CNTNAP2: variants seen among roughly 807,000 people sequenced by gnomAD.
CNTNAP2 encodes the protein contactin-associated protein-like 2.
Under a neutral mutation model 155.2 loss-of-function variants are expected in CNTNAP2, and 98 were observed. The observed-to-expected ratio is 0.63, with a 90% CI of 0.54 to 0.75. CNTNAP2 has a LOEUF of 0.75. CNTNAP2 is among the 30% of genes least tolerant of loss of function. The probability of loss-of-function intolerance (pLI) is 0.00; values close to 1 mark genes in which losing one functional copy is unlikely to be tolerated. For missense variants in CNTNAP2, 1,727 were observed against 1,688.1 expected (o/e 1.02, Z -0.40); for synonymous variants, 651 against 631.2 (o/e 1.03, Z -0.47).
At chr7:147,068,563 T>G (rs1563064681) in intron 4 of CNTNAP2, among the ~76,000 whole-genome samples, 11 of 152,192 alleles carry the variant, frequency 7.2e-5, no homozygotes. Context: ...TTCACCATGT[T>G]GACCAGGCTG....
chr7:146,620,760 A>G (rs557367820), intron 1 of CNTNAP2, among the ~76,000 whole-genome samples: 2 of 152,270 alleles, frequency 1.3e-5, no homozygotes, highest in East Asian at 3.9e-4. Flanking sequence ...TGAAAATGGT[A>G]GGACTGTTCA....
Position 146,566,733 on chromosome 7 carries a change from TA to T in CNTNAP2, c.98-207530del, listed in dbSNP as rs969242548. ...TAAAAATAAAAATTAAAATTAAAAT[TA>T]AAAAAAAGGAAAAGTAGACTATTTA... is the stretch of plus-strand genomic sequence containing the variant. On this transcript the variant is annotated intron_variant, in intron 1 of 23. Transcript: ENST00000361727. 4.5e-3 allele frequency among the ~76,000 whole-genome samples: 672 copies of T among 150,638 alleles called. 5 individuals are homozygous for T. Among genetic ancestry groups the T allele is most frequent in the African/African-American group, 0.015 (628 of 41,060 alleles).
At chr7:147,179,256 G>A (rs1584775088) in intron 8 of CNTNAP2, among the ~76,000 whole-genome samples, 1 of 152,092 alleles carries the variant, frequency 6.6e-6, no homozygotes. Context: ...AAAATATTAA[G>A]ACTAGAAGCT....
At chr7:148,409,968 G>A (rs113710002) in intron 23 of CNTNAP2, among the ~76,000 whole-genome samples, 1 of 87,292 alleles carries the variant, frequency 1.1e-5, no homozygotes, top group East Asian at 2.6e-4. Context: ...GGAGAATGGC[G>A]TGAACCTGGG....
chr7:146,499,061 C>T lies in CNTNAP2; in HGVS notation c.98-275210C>T, dbSNP rs146865627. Among the ~76,000 whole-genome samples, 672 of 152,306 alleles carry T rather than the reference C, an allele frequency of 4.4e-3. 8 individuals are homozygous for T. Among genetic ancestry groups the T allele is most frequent in the African/African-American group, 0.015 (635 of 41,576 alleles). On this transcript the variant is annotated intron_variant, in intron 1 of 23. Transcript: ENST00000361727. Reference sequence around the variant, plus strand: ...TGTTGGCTGTGACTTCTTCATACTGCATCTTAAATAGATTATCTGTACTCT... The same window carrying T: ...TGTTGGCTGTGACTTCTTCATACTGTATCTTAAATAGATTATCTGTACTCT...
intron 13 of CNTNAP2, among the ~76,000 whole-genome samples, chr7:147,642,783 T>A (rs1269417847): frequency 6.6e-6 from 1 of 152,214 alleles, no homozygotes; most frequent in East Asian, 1.9e-4. Flanking sequence ...AGATTATTAT[T>A]GTACATAATA....
chr7:147,074,015 T>C (rs1023557981), intron 4 of CNTNAP2, among the ~76,000 whole-genome samples: 1 of 152,192 alleles, frequency 6.6e-6, no homozygotes, highest in Non-Finnish European at 1.5e-5. Context: ...GGAATCAAGA[T>C]GGTGAATTCA....
chr7:147,430,349 A>C (rs940620653), intron 10 of CNTNAP2, among the ~76,000 whole-genome samples: 1 of 152,206 alleles, frequency 6.6e-6, no homozygotes, highest in Non-Finnish European at 1.5e-5. Context: ...GCTTTTAGTT[A>C]GCAGAATTCC....
At chr7:146,900,133 C>CT (rs1795963894) in intron 3 of CNTNAP2, among the ~76,000 whole-genome samples, 1 of 151,970 alleles carries the variant, frequency 6.6e-6, no homozygotes, top group Non-Finnish European at 1.5e-5. Flanking sequence ...AAGTAAAGGC[C>CT]TAAACAGTAT....
At chr7:147,819,612 T>C (rs1357921721) in intron 13 of CNTNAP2, among the ~76,000 whole-genome samples, 1 of 152,194 alleles carries the variant, frequency 6.6e-6, no homozygotes. Context: ...TTTTGACAAA[T>C]GTATACACCT....
chr7:147,385,306 C>T (rs1796606503), intron 9 of CNTNAP2, among the ~76,000 whole-genome samples: 1 of 152,102 alleles, frequency 6.6e-6, no homozygotes, highest in South Asian at 2.1e-4. Context: ...ATTTCAAAAC[C>T]AATCATGCCT....
chr7:147,386,366 T>C (rs1351344743), intron 9 of CNTNAP2, among the ~76,000 whole-genome samples: 1 of 152,126 alleles, frequency 6.6e-6, no homozygotes, highest in Non-Finnish European at 1.5e-5. Flanking sequence ...CATTGTCAGG[T>C]TGTAAATTTT....
At chr7:147,820,445 G>T (rs541800677) in intron 13 of CNTNAP2, among the ~76,000 whole-genome samples, 82 of 151,836 alleles carry the variant, frequency 5.4e-4, no homozygotes, top group African/African-American at 1.9e-3. Flanking sequence ...ATTTCCTGCC[G>T]GTCTATGATT....
intron 8 of CNTNAP2, among the ~76,000 whole-genome samples, chr7:147,176,023 C>T (rs112907013): frequency 1.3e-5 from 2 of 152,238 alleles, no homozygotes; most frequent in African/African-American, 4.8e-5. Flanking sequence ...TGTGTCCCTA[C>T]TTTAAACGAG....
intron 14 of CNTNAP2, among the ~76,000 whole-genome samples, chr7:147,929,863 C>A (rs141201928): frequency 1.3e-5 from 2 of 152,262 alleles, no homozygotes; most frequent in African/African-American, 4.8e-5. Flanking sequence ...CAAAACTGTT[C>A]CACCTCAGAT....
intron 1 of CNTNAP2, among the ~76,000 whole-genome samples, chr7:146,341,935 T>C (rs936517785): frequency 6.6e-6 from 1 of 152,216 alleles, no homozygotes; most frequent in Non-Finnish European, 1.5e-5. Flanking sequence ...AAAAACATTT[T>C]AGTACTTTAT....
chr7:146,809,581 C>A (rs1228937228), intron 2 of CNTNAP2, among the ~76,000 whole-genome samples: 4 of 151,916 alleles, frequency 2.6e-5, no homozygotes, highest in African/African-American at 9.7e-5. Context: ...CCAGGCTGGT[C>A]TCGAACTCCT....
intron 14 of CNTNAP2, among the ~76,000 whole-genome samples, chr7:147,915,785 T>C (rs867423526): frequency 4.6e-5 from 7 of 151,632 alleles, no homozygotes; most frequent in African/African-American, 1.5e-4. Flanking sequence ...AAAAGGAAAC[T>C]CTTAATTTTA....
At chr7:148,232,553 A>T (rs1235808900) in intron 20 of CNTNAP2, among the ~76,000 whole-genome samples, 6 of 152,240 alleles carry the variant, frequency 3.9e-5, no homozygotes, top group Admixed American at 3.3e-4. Context: ...TGAAACAGCC[A>T]TATATTCTCA....
Sources: allele counts gnomAD v4.1 joint callset (sites outside exome capture counted in the v4.1 genomes callset), GRCh38; gene constraint gnomAD v4.1.1; transcripts MANE v1.5; gene names NCBI Gene and HGNC (gene_info 2026-07-23, HGNC 2026-07-21).